Variants in KIF21A observed in about 807,000 individuals in gnomAD.
KIF21A encodes the protein kinesin-like protein KIF21A.
A neutral mutation model predicts 202.9 loss-of-function variants in KIF21A; 114 were observed. The ratio of observed to expected loss-of-function variants is 0.56; its 90% CI spans 0.48 to 0.66. The LOEUF is 0.66. Ranked by LOEUF, KIF21A falls within the 30% of genes least tolerant of loss-of-function variation. The pLI is 0.00. For missense variants in KIF21A, 1,677 were observed against 1,994.9 expected (o/e 0.84, Z 3.04); for synonymous variants, 667 against 670.8 (o/e 0.99, Z 0.09).
intron 29 of KIF21A, 87 bp downstream of exon 29, chr12:39,317,986 A>C: frequency 3.8e-6 from 5 of 1,328,638 alleles, no homozygotes; most frequent in Non-Finnish European, 5.4e-6. Context: ...TCTCCTACAC[A>C]GAGATGACTA....
intron 11 of KIF21A, among the ~76,000 whole-genome samples, chr12:39,347,614 G>A (rs1478747695): frequency 1.3e-5 from 2 of 151,962 alleles, no homozygotes; most frequent in Non-Finnish European, 2.9e-5. Context: ...TTATTGGTCT[G>A]TGATTGTTTT....
intron 1 of KIF21A, among the ~76,000 whole-genome samples, chr12:39,410,986 T>C (rs565563948): frequency 6.6e-6 from 1 of 152,280 alleles, no homozygotes; most frequent in South Asian, 2.1e-4. Flanking sequence ...TCTTGGTCTT[T>C]ACCACTGCTA....
intron 1 of KIF21A, among the ~76,000 whole-genome samples, chr12:39,385,102 C>T (rs184394554): frequency 4.6e-4 from 70 of 152,202 alleles, no homozygotes; most frequent in African/African-American, 1.5e-3. Context: ...CTATTTAACT[C>T]GAGCAAAGTA....
At chr12:39,404,801 G>A (rs955991844) in intron 1 of KIF21A, among the ~76,000 whole-genome samples, 7 of 152,028 alleles carry the variant, frequency 4.6e-5, no homozygotes, top group Non-Finnish European at 8.8e-5. Flanking sequence ...GAAAATAATG[G>A]AATTTTAAGA....
intron 11 of KIF21A, 46 bp downstream of exon 11, chr12:39,351,723 AAATACCCT>A: frequency 1.8e-6 from 2 of 1,118,250 alleles, no homozygotes; most frequent in Non-Finnish European, 2.7e-6. Flanking sequence ...TTGCAAATTA[AAATACCCT>A]GAAAAGGAAA....
intron 24 of KIF21A, among the ~76,000 whole-genome samples, chr12:39,329,611 G>A (rs986631438): frequency 6.6e-6 from 1 of 152,036 alleles, no homozygotes; most frequent in Non-Finnish European, 1.5e-5. Context: ...AAGAGAGGGA[G>A]GGAGAGGAAG....
chr12:39,362,473 A>T (rs1949309356), intron 7 of KIF21A, among the ~76,000 whole-genome samples: 4 of 152,044 alleles, frequency 2.6e-5, no homozygotes, highest in Admixed American at 2.6e-4. Context: ...AAGCCAACAT[A>T]TTTACAGAGG....
intron 35 of KIF21A, 99 bp downstream of exon 35, chr12:39,304,722 G>A (rs1943287753): frequency 2.8e-6 from 2 of 718,008 alleles, no homozygotes; most frequent in Non-Finnish European, 5.0e-6. Context: ...GACTAGAAAG[G>A]AAAAAAGAAA....
At chr12:39,427,632 C>T (rs569339857) in intron 1 of KIF21A, among the ~76,000 whole-genome samples, 1 of 152,216 alleles carries the variant, frequency 6.6e-6, no homozygotes, top group African/African-American at 2.4e-5. Flanking sequence ...AAGAAAACCA[C>T]AAACCACAAA....
At chr12:39,390,501 GA>G (rs200769789) in intron 1 of KIF21A, among the ~76,000 whole-genome samples, 1,682 of 151,920 alleles carry the variant, frequency 0.011, 22 homozygotes, top group African/African-American at 0.03. Context: ...TTAAAAAAAA[GA>G]AAAAAATTAA....
At chr12:39,366,958 A>T in intron 5 of KIF21A, 72 bp downstream of exon 5, 1 of 1,403,912 alleles carries the variant, frequency 7.1e-7, no homozygotes. Flanking sequence ...GCTCAAATAT[A>T]TTCTCAGAGA....
Position 39,301,474 on chromosome 12 carries a change from A to T in KIF21A, c.4931+6T>A. ...ATATAGAGAAAAATCATATAAGAAA[A>T]CTTACTCAGCTGCAGTAAAAATGTG... is the stretch of plus-strand genomic sequence containing the variant. On this transcript the variant is annotated splice_donor_region_variant and intron_variant, in intron 37 of 37. Coordinates refer to ENST00000361418, the MANE Select transcript of KIF21A (RefSeq NM_001173464.2). 1 of 1,610,768 alleles carries T rather than the reference A, an allele frequency of 6.2e-7. No homozygotes were observed. The highest frequency in any genetic ancestry group is 8.5e-7 in the Non-Finnish European group (1 of 1,176,922).
intron 36 of KIF21A, 49 bp downstream of exon 36, chr12:39,302,916 G>A (rs1250945074): frequency 1.2e-5 from 17 of 1,470,634 alleles, no homozygotes; most frequent in Non-Finnish European, 1.6e-5. Flanking sequence ...ACAGGCTACA[G>A]GATTGTGTTG....
Position 39,363,090 on chromosome 12 carries a change from A to G in KIF21A, c.1019+8T>C, listed in dbSNP as rs748005216. The G allele has an allele frequency of 1.4e-6, 2 of 1,459,780 alleles. No individual in the cohort carries two copies. Among genetic ancestry groups the G allele is most frequent in the East Asian group, 2.3e-5 (1 of 44,026 alleles). The allele number at this position is 1,459,780 out of a possible 1,614,324, so 90.4% of individuals were successfully genotyped here. ...AAGTCTGAGTAGAGGATAATCATCT[A>G]TGCATACCTATTACCCCCGAGGGAA... On this transcript the variant is annotated splice_region_variant and intron_variant, in intron 7 of 37. Transcript: ENST00000361418.
intron 31 of KIF21A, 44 bp from the exon 32 acceptor site, chr12:39,311,597 T>A (rs759685594): frequency 6.2e-7 from 1 of 1,607,694 alleles, no homozygotes; most frequent in African/African-American, 1.3e-5. Flanking sequence ...CACTTCAGTA[T>A]CATGAGACTA....
Position 39,332,349 on chromosome 12 carries a change from G to A in KIF21A, c.2916C>T (p.Val972=), listed in dbSNP as rs1374640560. ...EKLSKRREKI[V]KENGEGDKNV... ...TTTTATCTCCCTCTCCATTCTCCTT[G>A]ACTATCTTCTCCCTTCTTTTTGAAA... The change falls in exon 21 of 38, where the codon GTC becomes GTT. Residue 972 remains valine (V), a synonymous_variant. Transcript: ENST00000361418. 6.2e-7 allele frequency: 1 copy of A among 1,613,514 alleles called. No individual in the cohort carries two copies. Among genetic ancestry groups the A allele is most frequent in the African/African-American group, 1.3e-5 (1 of 74,812 alleles).
intron 1 of KIF21A, among the ~76,000 whole-genome samples, chr12:39,380,452 A>G (rs1950544385): frequency 6.6e-6 from 1 of 152,272 alleles, no homozygotes; most frequent in African/African-American, 2.4e-5. Flanking sequence ...TAAATATGTA[A>G]CAAATGATAA....
intron 31 of KIF21A, among the ~76,000 whole-genome samples, chr12:39,314,986 T>A (rs761804687): frequency 6.6e-6 from 1 of 151,928 alleles, no homozygotes; most frequent in African/African-American, 2.4e-5. Context: ...CTACCAAAGA[T>A]AATAGAAACT....
At chr12:39,295,933 C>T (rs1478697443) in intron 37 of KIF21A, among the ~76,000 whole-genome samples, 3 of 148,878 alleles carry the variant, frequency 2.0e-5, no homozygotes, top group Non-Finnish European at 3.0e-5. Context: ...CTCTTGACCT[C>T]GTGATCTGCC....
Sources: allele counts gnomAD v4.1 joint callset (sites outside exome capture counted in the v4.1 genomes callset), GRCh38; gene constraint gnomAD v4.1.1; transcripts MANE v1.5; gene names NCBI Gene and HGNC (gene_info 2026-07-23, HGNC 2026-07-21).